Variants in CCDC30 observed in about 807,000 individuals in gnomAD.
CCDC30 encodes coiled-coil domain containing 30, also known as coiled-coil domain-containing protein 30.
A neutral mutation model predicts 100.2 loss-of-function variants in CCDC30; 70 were observed. The ratio of observed to expected loss-of-function variants is 0.70; its 90% CI spans 0.58 to 0.85. The LOEUF (loss-of-function observed/expected upper bound fraction) is 0.85. Among genes scored for constraint, CCDC30 ranks in the 40% least tolerant of loss-of-function variants. The pLI is 0.00. For synonymous variants in CCDC30, 233 were observed against 269.5 expected (o/e 0.86, Z 1.33); for missense variants, 652 against 771.2 (o/e 0.85, Z 1.83).
intron 15 of CCDC30, among the ~76,000 whole-genome samples, chr1:42,650,495 A>ATGTGTGTGTG (rs1367897512): frequency 1.0e-5 from 1 of 98,910 alleles, no homozygotes; most frequent in Non-Finnish European, 2.1e-5. Context: ...AAAAAAATAT[A>ATGTGTGTGTG]TATGTGTGTG....
chr1:42,655,495 C>T (rs1052699783), downstream of CCDC30, among the ~76,000 whole-genome samples: 2 of 151,888 alleles, frequency 1.3e-5, no homozygotes, highest in African/African-American at 2.4e-5. Context: ...TGCAGTGAGC[C>T]GAGACTGCAC....
chr1:42,548,061 T>C lies in CCDC30; in HGVS notation c.457-18235T>C, dbSNP rs577291674. Among the ~76,000 whole-genome samples, 4 of 152,082 alleles carry C rather than the reference T, an allele frequency of 2.6e-5. No individual in the cohort carries two copies. In the South Asian group the frequency reaches 8.3e-4, roughly 32 times the overall value. ...GATATGGCATGTTCAAGAGAAAGCA[T>C]GGTTTGTTTGAGGCCCTAAAAGTGA... On this transcript the variant is annotated intron_variant, in intron 6 of 16. Coordinates refer to ENST00000668663, the Ensembl canonical transcript of CCDC30.
chr1:42,603,816 AC>A (rs2148629241), intron 10 of CCDC30, among the ~76,000 whole-genome samples: 1 of 152,216 alleles, frequency 6.6e-6, no homozygotes, highest in African/African-American at 2.4e-5. Flanking sequence ...CCTACCCAAA[AC>A]CCTGCATACA....
intron 6 of CCDC30, among the ~76,000 whole-genome samples, chr1:42,507,026 G>C (rs555365540): frequency 6.6e-6 from 1 of 151,960 alleles, no homozygotes; most frequent in Admixed American, 6.6e-5. Flanking sequence ...TCTCAGATTC[G>C]AGTGATTCTC....
At chr1:42,456,876 C>T in the CCDC30 span, 2 of 1,613,316 alleles carry the variant, frequency 1.2e-6, no homozygotes, top group Non-Finnish European at 8.5e-7. Context: ...TGGCTGTCCG[C>T]TCTGCGGCCT....
At chr1:42,611,838 A>G (rs940183970) in intron 11 of CCDC30, among the ~76,000 whole-genome samples, 1 of 152,026 alleles carries the variant, frequency 6.6e-6, no homozygotes, top group Non-Finnish European at 1.5e-5. Flanking sequence ...AGGCTCACCC[A>G]GCTCACTTTT....
At chr1:42,487,286 C>T (rs929247272) in intron 3 of CCDC30, among the ~76,000 whole-genome samples, 3 of 152,174 alleles carry the variant, frequency 2.0e-5, no homozygotes, top group Admixed American at 1.3e-4. Flanking sequence ...GAATTGTCCA[C>T]TTGAAATATG....
At chr1:42,496,526 T>C (rs1312555187) in intron 4 of CCDC30, among the ~76,000 whole-genome samples, 1 of 151,994 alleles carries the variant, frequency 6.6e-6, no homozygotes, top group Non-Finnish European at 1.5e-5. Context: ...TTTTGGGACA[T>C]GGTACTAGGT....
chr1:42,536,015 A>C (rs1320469513), intron 6 of CCDC30, among the ~76,000 whole-genome samples: 1 of 151,348 alleles, frequency 6.6e-6, no homozygotes, highest in Non-Finnish European at 1.5e-5. Context: ...CTCTGTAAAA[A>C]TAATGTAATA....
intron 13 of CCDC30, among the ~76,000 whole-genome samples, chr1:42,644,338 T>C (rs1647700539): frequency 6.6e-6 from 1 of 152,090 alleles, no homozygotes; most frequent in South Asian, 2.1e-4. Flanking sequence ...TGTCTCTCTT[T>C]TTCACGTTTT....
chr1:42,623,775 C>T (rs1355710345), intron 11 of CCDC30, among the ~76,000 whole-genome samples: 4 of 152,056 alleles, frequency 2.6e-5, no homozygotes, highest in Non-Finnish European at 5.9e-5. Context: ...TGAAGAATGT[C>T]ATTGGTATTT....
exon 11 of CCDC30, chr1:42,611,041 C>T (rs377032028): frequency 2.5e-6 from 4 of 1,613,034 alleles, no homozygotes; most frequent in Non-Finnish European, 3.4e-6. Flanking sequence ...GAAGGAAGCT[C>T]TACGTGAAGA....
chr1:42,567,868 G>A (rs1284102365), intron 7 of CCDC30, among the ~76,000 whole-genome samples: 2 of 152,094 alleles, frequency 1.3e-5, no homozygotes, highest in East Asian at 1.9e-4. Flanking sequence ...GTCTTTCAGG[G>A]ATGGATAAAT....
intron 6 of CCDC30, chr1:42,542,711 C>T (rs1173766026): frequency 7.2e-6 from 1 of 138,502 alleles, no homozygotes; most frequent in East Asian, 2.2e-4. Context: ...CCACCGCGCC[C>T]GGCTAATTTT....
rs148307865 is a variant in CCDC30 at position 42,534,336 on chromosome 1, G to T, written c.457-31960G>T. Among the ~76,000 whole-genome samples the T allele has an allele frequency of 5.2e-3, 792 of 152,272 alleles. 8 individuals are homozygous for T. The highest frequency in any genetic ancestry group is 0.018 in the African/African-American group (766 of 41,530). On this transcript the variant is annotated intron_variant, in intron 6 of 16. Transcript: ENST00000668663. The stretch of plus-strand genomic sequence containing the variant: ...CTTGCCTTGAGTGTTGAATGCATCA[G>T]CATGTCATGTGTGAATCTGAAAAAA...
chr1:42,513,894 A>C (rs1317792283), intron 6 of CCDC30, among the ~76,000 whole-genome samples: 1 of 152,154 alleles, frequency 6.6e-6, no homozygotes, highest in Non-Finnish European at 1.5e-5. Flanking sequence ...GCTGAAGGCA[A>C]AGAAGTAGTA....
At chr1:42,523,873 TC>T (rs1216260669) in intron 6 of CCDC30, among the ~76,000 whole-genome samples, 1 of 152,202 alleles carries the variant, frequency 6.6e-6, no homozygotes, top group Non-Finnish European at 1.5e-5. Context: ...TGCCTTTGAA[TC>T]CCTATAGTGA....
intron 6 of CCDC30, chr1:42,539,180 A>G: frequency 6.3e-7 from 1 of 1,580,812 alleles, no homozygotes; most frequent in Non-Finnish European, 8.6e-7. Flanking sequence ...CAGGAATTGC[A>G]AAAATCAAAG....
At chr1:42,603,873 A>G (rs555396176) in intron 10 of CCDC30, among the ~76,000 whole-genome samples, 1 of 152,320 alleles carries the variant, frequency 6.6e-6, no homozygotes, top group Admixed American at 6.5e-5. Context: ...CTTGGAAGCA[A>G]GAAAAATGTC....
Sources: allele counts gnomAD v4.1 joint callset (sites outside exome capture counted in the v4.1 genomes callset), GRCh38; gene constraint gnomAD v4.1.1; transcripts MANE v1.5; gene names NCBI Gene and HGNC (gene_info 2026-07-23, HGNC 2026-07-21).